The following MAS1 variants were observed in gnomAD, a reference collection of about 807,000 sequenced individuals.
The protein encoded by MAS1 is MAS1 proto-oncogene, G protein-coupled receptor.
For synonymous variants in MAS1, 163 were observed against 164.2 expected, an observed-to-expected ratio of 0.99 and a Z score of 0.05; for missense variants, 387 against 409.7, an observed-to-expected ratio of 0.94 and a Z score of 0.48.
intron 2 of MAS1, among the ~76,000 whole-genome samples, chr6:159,900,194 T>C (rs1782806833): frequency 6.6e-6 from 1 of 152,218 alleles, no homozygotes; most frequent in South Asian, 2.1e-4. Flanking sequence ...CTTTCTGAGA[T>C]CTCAACTGTG....
rs1436726167 is a variant in MAS1, at chr6:159,908,028, C to G, written c.*95C>G. 11 of 1,359,278 alleles carry G rather than the reference C, an allele frequency of 8.1e-6. No homozygotes were observed. The highest frequency in any genetic ancestry group is 2.1e-4 in the Middle Eastern group (1 of 4,738). The allele number at this position is 1,359,278 out of a possible 1,614,324, so 84.2% of individuals were successfully genotyped here. A position where few individuals can be genotyped will look rare whatever the true frequency, so the allele number is the denominator to read the frequency against. ...ACTTAAGTATCTCCTAAATGTGATA[C>G]AGAAGAACATCTCATCCCATATGCA... is the stretch of plus-strand genomic sequence containing the variant. On this transcript the variant is annotated 3_prime_UTR_variant, in exon 3 of 3. Transcript: ENST00000674077.
At position 159,913,450 on chromosome 6, in the gene MAS1, G is replaced by T. The variant is rs1317821883; in HGVS notation, c.*5517G>T. The T allele has an allele frequency of 6.6e-6, 1 of 152,202 alleles. No homozygotes were observed. The highest frequency in any genetic ancestry group is 1.9e-4 in the East Asian group (1 of 5,194). The allele number at this position is 152,202 out of a possible 1,614,324, so 9.4% of individuals were successfully genotyped here. A position where few individuals can be genotyped will look rare whatever the true frequency, so the allele number is the denominator to read the frequency against. ...GTCATTTCTCAAGGCTCCATGGGTT[G>T]ATTGAGTTCAGTTTCTCATTTGGCG... On this transcript the variant is annotated 3_prime_UTR_variant, in exon 3 of 3. Coordinates refer to ENST00000674077, the MANE Select transcript of MAS1 (RefSeq NM_002377.4).
chr6:159,890,137 G>A (rs1226134504), upstream of MAS1, among the ~76,000 whole-genome samples: 1 of 152,192 alleles, frequency 6.6e-6, no homozygotes, highest in East Asian at 1.9e-4. Flanking sequence ...TGAGATCCAA[G>A]AGATCCAGAA....
At chr6:159,890,175 G>A (rs1409005511), upstream of MAS1, among the ~76,000 whole-genome samples, 13 of 152,110 alleles carry the variant, frequency 8.5e-5, no homozygotes, top group Admixed American at 8.5e-4. Flanking sequence ...TTCACATTGA[G>A]TTATTTGAAA....
chr6:159,900,487 G>A (rs2115113048), intron 2 of MAS1, among the ~76,000 whole-genome samples: 1 of 152,170 alleles, frequency 6.6e-6, no homozygotes, highest in East Asian at 1.9e-4. Context: ...CAGTTGGTTG[G>A]GTAAGACTGG....
In MAS1 at chr6:159,908,036, C is replaced by A; in HGVS notation, c.*103C>A. 1 of 1,283,276 alleles carries A rather than the reference C, an allele frequency of 7.8e-7. No homozygotes were observed. The highest frequency in any genetic ancestry group is 1.1e-6 in the Non-Finnish European group (1 of 936,304). The allele number at this position is 1,283,276 out of a possible 1,614,324, so 79.5% of individuals were successfully genotyped here. A position where few individuals can be genotyped will look rare whatever the true frequency, so the allele number is the denominator to read the frequency against. On this transcript the variant is annotated 3_prime_UTR_variant, in exon 3 of 3. Coordinates refer to ENST00000674077, the MANE Select transcript of MAS1 (RefSeq NM_002377.4). ...ATCTCCTAAATGTGATACAGAAGAACATCTCATCCCATATGCATGAGATAC... is the reference window on the plus strand; with the variant it reads ...ATCTCCTAAATGTGATACAGAAGAAAATCTCATCCCATATGCATGAGATAC...
intron 1 of MAS1, among the ~76,000 whole-genome samples, chr6:159,893,812 C>T (rs1360407194): frequency 1.3e-5 from 2 of 152,146 alleles, no homozygotes; most frequent in Non-Finnish European, 2.9e-5. Flanking sequence ...GCACATTTTA[C>T]ACCCAGATCT....
Position 159,914,316 on chromosome 6 carries a change from C to T in MAS1, c.*6383C>T, listed in dbSNP as rs1302986017. ...AGTCCTTGCACTTCACGTCGATCCC[C>T]GTGCAATTGAGAAGATAGTCACCTC... On this transcript the variant is annotated 3_prime_UTR_variant, in exon 3 of 3. Coordinates refer to ENST00000674077, the MANE Select transcript of MAS1 (RefSeq NM_002377.4). 2.6e-5 allele frequency: 4 copies of T among 151,886 alleles called. No homozygotes were observed. The highest frequency in any genetic ancestry group is 4.8e-5 in the African/African-American group (2 of 41,316). The allele number at this position is 151,886 out of a possible 1,614,324, so 9.4% of individuals were successfully genotyped here.
Position 159,908,013 on chromosome 6 carries a change from CT to C in MAS1, c.*81del. On this transcript the variant is annotated 3_prime_UTR_variant, in exon 3 of 3. Transcript: ENST00000674077. ...TGTGCTTGGAATATGACTTAAGTAT[CT>C]CCTAAATGTGATACAGAAGAACATC... 1 of 1,441,874 alleles carries C rather than the reference CT, an allele frequency of 6.9e-7. No individual in the cohort carries two copies. The highest frequency in any genetic ancestry group is 9.3e-7 in the Non-Finnish European group (1 of 1,070,844). The allele number at this position is 1,441,874 out of a possible 1,614,324, so 89.3% of individuals were successfully genotyped here.
chr6:159,901,782 A>C (rs2115114167), intron 2 of MAS1, among the ~76,000 whole-genome samples: 1 of 151,726 alleles, frequency 6.6e-6, no homozygotes, highest in Admixed American at 6.6e-5. Context: ...TGAGCCCAGG[A>C]GTTCAACCTG....
At chr6:159,891,653 T>C (rs1038385091) in intron 1 of MAS1, among the ~76,000 whole-genome samples, 2 of 152,250 alleles carry the variant, frequency 1.3e-5, no homozygotes, top group Non-Finnish European at 2.9e-5. Flanking sequence ...GCATCAGTAT[T>C]AGCTTCTGTT....
At position 159,913,647 on chromosome 6, in the gene MAS1, A is replaced by C. The variant is rs957486105; in HGVS notation, c.*5714A>C. 2.6e-5 allele frequency: 4 copies of C among 152,172 alleles called. No homozygotes were observed. Among genetic ancestry groups the C allele is most frequent in the Non-Finnish European group, 5.9e-5 (4 of 68,024 alleles). 9.4% of individuals were successfully genotyped at this position (152,172 alleles called of 1,614,324 possible). A position where few individuals can be genotyped will look rare whatever the true frequency, so the allele number is the denominator to read the frequency against. ...CTTTGATGTGGTTTGGGTTTCTTACAACATGGTGATTGTGTTCTGGAAGGA... is the reference window on the plus strand; with the variant it reads ...CTTTGATGTGGTTTGGGTTTCTTACCACATGGTGATTGTGTTCTGGAAGGA... On this transcript the variant is annotated 3_prime_UTR_variant, in exon 3 of 3. Transcript: ENST00000674077.
chr6:159,906,484 C>G (rs1782888346), intron 2 of MAS1, among the ~76,000 whole-genome samples: 2 of 152,200 alleles, frequency 1.3e-5, no homozygotes, highest in Non-Finnish European at 2.9e-5. Flanking sequence ...GTTTTGTCAT[C>G]AAGTCTTAAT....
At chr6:159,895,758 T>A (rs1312634128) in intron 1 of MAS1, among the ~76,000 whole-genome samples, 1 of 152,244 alleles carries the variant, frequency 6.6e-6, no homozygotes, top group Admixed American at 6.5e-5. Context: ...AAAAACTTTA[T>A]ATACTGTTGA....
rs1336097474 is a variant in MAS1 at position 159,914,906 on chromosome 6, C to T, written c.*6973C>T. On this transcript the variant is annotated 3_prime_UTR_variant, in exon 3 of 3. Coordinates refer to ENST00000674077, the MANE Select transcript of MAS1 (RefSeq NM_002377.4). ...GGATCTAGAGACATTCTCTGAGTGA[C>T]ACTATGCCAGCTGGGAGTGGTGGCA... 1 of 152,240 alleles carries T rather than the reference C, an allele frequency of 6.6e-6. No individual in the cohort carries two copies. Among genetic ancestry groups the T allele is most frequent in the Admixed American group, 6.5e-5 (1 of 15,276 alleles). 9.4% of individuals were successfully genotyped at this position (152,240 alleles called of 1,614,324 possible).
Position 159,906,973 on chromosome 6 carries a change from G to A in MAS1, c.18G>A (p.Val6=), listed in dbSNP as rs1055617736. The stretch of plus-strand genomic sequence containing the variant: ...GCCTCCTCATGGATGGGTCAAACGT[G>A]ACATCATTTGTTGTTGAGGAACCCA... MDGSN[V]TSFVVEEPTN... The change falls in exon 3 of 3, where the codon GTG becomes GTA. Residue 6 remains valine (V), a synonymous_variant. Coordinates refer to ENST00000674077, the MANE Select transcript of MAS1 (RefSeq NM_002377.4). 2 of 1,606,464 alleles carry A rather than the reference G, an allele frequency of 1.2e-6. No individual in the cohort carries two copies. Among genetic ancestry groups the A allele is most frequent in the Admixed American group, 3.3e-5 (2 of 59,910 alleles).
In MAS1 at chr6:159,908,509, G is replaced by GCACACA. The variant is rs55793021; in HGVS notation, c.*607_*612dup. The stretch of plus-strand genomic sequence containing the variant: ...AAGATATAAATTTTTGTTTTGTAAA[G>GCACACA]CACACACACACACACACACACACAC... On this transcript the variant is annotated 3_prime_UTR_variant, in exon 3 of 3. Coordinates refer to ENST00000674077, the MANE Select transcript of MAS1 (RefSeq NM_002377.4). 0.15 allele frequency: 22,153 copies of GCACACA among 145,760 alleles called. 1,966 individuals are homozygous for GCACACA. Among genetic ancestry groups the GCACACA allele is most frequent in the East Asian group, 0.39 (1,897 of 4,848 alleles). 9.0% of individuals were successfully genotyped at this position (145,760 alleles called of 1,614,324 possible).
chr6:159,890,420 AC>A (rs769369148), upstream of MAS1, among the ~76,000 whole-genome samples: 2 of 151,942 alleles, frequency 1.3e-5, no homozygotes, highest in Non-Finnish European at 2.9e-5. Flanking sequence ...AATGGTGCAG[AC>A]CCCTGCCTTC....
At chr6:159,896,858 TTTTG>T (rs71812549) in intron 1 of MAS1, among the ~76,000 whole-genome samples, 39,319 of 150,886 alleles carry the variant, frequency 0.26, 6,132 homozygotes, top group East Asian at 0.75. Context: ...GACTGGGTTT[TTTTG>T]TTTGTTTGTT....
Sources: allele counts gnomAD v4.1 joint callset (sites outside exome capture counted in the v4.1 genomes callset), GRCh38; gene constraint gnomAD v4.1.1; transcripts MANE v1.5; gene names NCBI Gene and HGNC (gene_info 2026-07-23, HGNC 2026-07-21).